CHRM5: variants seen among roughly 807,000 people sequenced by gnomAD.
CHRM5 encodes the protein muscarinic acetylcholine receptor M5.
CHRM5 carries 18 observed loss-of-function variants against 39.0 expected under a neutral mutation model. The observed-to-expected ratio is 0.46, with a 90% CI of 0.32 to 0.68. The LOEUF (loss-of-function observed/expected upper bound fraction) is 0.68. Ranked by LOEUF, CHRM5 falls within the 30% of genes least tolerant of loss-of-function variation. The pLI is 0.04. For missense variants in CHRM5, 515 were observed against 651.1 expected (o/e 0.79, Z 2.28); for synonymous variants, 241 against 246.3 (o/e 0.98, Z 0.20).
intron 1 of CHRM5, among the ~76,000 whole-genome samples, chr15:34,020,910 A>T (rs1420103057): frequency 6.6e-6 from 1 of 152,234 alleles, no homozygotes; most frequent in Non-Finnish European, 1.5e-5. Context: ...TCTTCCTTTT[A>T]AGCACCTACC....
intron 1 of CHRM5, among the ~76,000 whole-genome samples, chr15:34,036,843 C>A (rs1423732232): frequency 6.8e-6 from 1 of 147,490 alleles, no homozygotes; most frequent in African/African-American, 2.4e-5. Context: ...GTGGGTCACA[C>A]CTGTAATCCA....
In CHRM5 at chr15:34,025,868, G is replaced by A. The variant is rs146046131; in HGVS notation, c.-407-20672G>A. 2.3e-3 allele frequency among the ~76,000 whole-genome samples: 346 copies of A among 152,206 alleles called. 3 individuals carry two copies. The highest frequency in any genetic ancestry group is 0.018 in the South Asian group (85 of 4,812). ...GTGATCATCTTGCCCCACAAAGCCC[G>A]TGTTTACACTTACCACACACAATAC... On this transcript the variant is annotated intron_variant, in intron 1 of 2. Transcript: ENST00000383263.
At chr15:33,988,541 G>T (rs571017595) in intron 1 of CHRM5, among the ~76,000 whole-genome samples, 2 of 152,296 alleles carry the variant, frequency 1.3e-5, no homozygotes, top group Non-Finnish European at 2.9e-5. Flanking sequence ...TTCAGGAAAT[G>T]ACAGCACTGA....
At chr15:34,055,951 C>T (rs2140835799) in intron 2 of CHRM5, among the ~76,000 whole-genome samples, 1 of 152,284 alleles carries the variant, frequency 6.6e-6, no homozygotes, top group East Asian at 1.9e-4. Flanking sequence ...CTGGTGACCT[C>T]AGGTGATCTG....
chr15:33,999,205 T>C (rs1897049120), intron 1 of CHRM5, among the ~76,000 whole-genome samples: 1 of 152,230 alleles, frequency 6.6e-6, no homozygotes. Context: ...TCTGACTCTC[T>C]CAGAGTGGGG....
At chr15:34,055,387 C>A (rs965586542) in intron 2 of CHRM5, among the ~76,000 whole-genome samples, 1 of 152,044 alleles carries the variant, frequency 6.6e-6, no homozygotes, top group South Asian at 2.1e-4. Flanking sequence ...CACCTGTAGT[C>A]CCAGCTACTC....
chr15:33,969,140 A>G lies in CHRM5; in HGVS notation c.-418A>G, dbSNP rs1337921231. On this transcript the variant is annotated 5_prime_UTR_variant, in exon 1 of 3. Coordinates refer to ENST00000383263, the MANE Select transcript of CHRM5 (RefSeq NM_012125.4). ...GTTCAAATTACTGAGCTTCAAACAA[A>G]CCACTGCCAGGTAAGATTTAATTTT... 2.0e-5 allele frequency: 3 copies of G among 152,080 alleles called. No homozygotes were observed. Among genetic ancestry groups the G allele is most frequent in the Non-Finnish European group, 4.4e-5 (3 of 67,952 alleles). 9.4% of individuals were successfully genotyped at this position (152,080 alleles called of 1,614,324 possible).
intron 1 of CHRM5, among the ~76,000 whole-genome samples, chr15:34,009,758 T>TAGGG (rs1003722416): frequency 7.2e-5 from 11 of 151,854 alleles, no homozygotes; most frequent in African/African-American, 2.7e-4. Context: ...GAGGCCAAGG[T>TAGGG]AGGGAGGGTC....
At chr15:33,997,548 C>T (rs771429330) in intron 1 of CHRM5, among the ~76,000 whole-genome samples, 7 of 152,150 alleles carry the variant, frequency 4.6e-5, no homozygotes, top group Non-Finnish European at 1.0e-4. Flanking sequence ...CCCACCAAAT[C>T]TCAACGTCAA....
chr15:34,039,260 C>G (rs1424634360), intron 1 of CHRM5: 7 of 206,698 alleles, frequency 3.4e-5, no homozygotes, highest in Non-Finnish European at 6.1e-5. Flanking sequence ...GAACCGGGAC[C>G]GCGGGAAGGC....
At position 34,064,002 on chromosome 15, in the gene CHRM5, C is replaced by T. The variant is rs772971999; in HGVS notation, c.1285C>T (p.Arg429Ter). The change falls in exon 3 of 3, where the codon CGA (arginine) becomes TGA (stop). Residue 429 changes from arginine to a stop codon, truncating the protein, a stop_gained. Transcript: ENST00000383263. LOFTEE classifies it high-confidence loss of function. ...CAACCCCAGCCATCAAATGACCAAACGAAAGAGAGTGGTCCTAGTCAAAGA... is the reference window on the plus strand; with the variant it reads ...CAACCCCAGCCATCAAATGACCAAATGAAAGAGAGTGGTCCTAGTCAAAGA... ...NPNPSHQMTK[R>*]KRVVLVKERK... is the part of the protein sequence containing the mutation. 6 of 1,614,176 alleles carry T rather than the reference C, an allele frequency of 3.7e-6. No homozygotes were observed. Among genetic ancestry groups the T allele is most frequent in the East Asian group, 2.2e-5 (1 of 44,878 alleles).
chr15:34,027,360 C>CA (rs1352828510), intron 1 of CHRM5, among the ~76,000 whole-genome samples: 1 of 151,594 alleles, frequency 6.6e-6, no homozygotes, highest in African/African-American at 2.4e-5. Context: ...ACTAAAAATA[C>CA]AAAAAATAAA....
chr15:34,045,489 G>A (rs1597385025), intron 1 of CHRM5, among the ~76,000 whole-genome samples: 1 of 152,152 alleles, frequency 6.6e-6, no homozygotes. Context: ...ATCTAACACA[G>A]TGGTACCCCA....
At chr15:34,006,524 T>C (rs1402627802) in intron 1 of CHRM5, among the ~76,000 whole-genome samples, 2 of 152,124 alleles carry the variant, frequency 1.3e-5, no homozygotes, top group Admixed American at 1.3e-4. Flanking sequence ...CTGGGCAAAA[T>C]AATTACCTTG....
At chr15:33,986,303 G>T (rs555637017) in intron 1 of CHRM5, among the ~76,000 whole-genome samples, 2 of 151,958 alleles carry the variant, frequency 1.3e-5, no homozygotes, top group Non-Finnish European at 2.9e-5. Flanking sequence ...TAGAAACGGG[G>T]TTTCACCATG....
chr15:33,981,106 C>T (rs1328285388), intron 1 of CHRM5, among the ~76,000 whole-genome samples: 1 of 151,612 alleles, frequency 6.6e-6, no homozygotes, highest in Non-Finnish European at 1.5e-5. Flanking sequence ...TGGACAGCAA[C>T]CCCTCTTAAT....
chr15:34,028,377 C>T (rs904593838), intron 1 of CHRM5, among the ~76,000 whole-genome samples: 1 of 152,086 alleles, frequency 6.6e-6, no homozygotes, highest in Non-Finnish European at 1.5e-5. Context: ...GCAGCCTGTG[C>T]AACCTGGCAA....
intron 1 of CHRM5, among the ~76,000 whole-genome samples, chr15:33,977,106 T>C (rs918232017): frequency 2.0e-5 from 3 of 152,166 alleles, no homozygotes; most frequent in Non-Finnish European, 4.4e-5. Flanking sequence ...ACCAAGGAGA[T>C]AGGAAGGTTG....
In CHRM5 at chr15:34,063,378, G is replaced by A; in HGVS notation, c.661G>A (p.Glu221Lys). Reference protein sequence around the residue: ...ILYCRIYRETEKRTKDLADLQ... With the variant: ...ILYCRIYRETKKRTKDLADLQ... ...CTACTGTCGAATCTACCGGGAAACA[G>A]AGAAGCGAACCAAGGACCTGGCTGA... Residue 221 changes from glutamate to lysine, a missense_variant, in exon 3 of 3, where the codon GAG (glutamate) becomes AAG (lysine). Physicochemically the swap from Glu to Lys is moderately conservative, Grantham distance 56. Transcript: ENST00000383263. The surrounding 1 kb of genome is among the most constrained non-coding windows in gnomAD (Gnocchi z 4.1). The A allele has an allele frequency of 6.2e-7, 1 of 1,614,114 alleles. No homozygotes were observed. The highest frequency in any genetic ancestry group is 8.5e-7 in the Non-Finnish European group (1 of 1,180,042).
Sources: allele counts gnomAD v4.1 joint callset (sites outside exome capture counted in the v4.1 genomes callset), GRCh38; gene constraint gnomAD v4.1.1; non-coding constraint Gnocchi (gnomAD v3.1); transcripts MANE v1.5; gene names NCBI Gene and HGNC (gene_info 2026-07-23, HGNC 2026-07-21).